The following NHERF4 variants were observed in gnomAD, a reference collection of about 807,000 sequenced individuals.
NHERF4 encodes the protein NHERF family PDZ scaffold protein 4, also known as Na(+)/H(+) exchange regulatory cofactor NHE-RF4.
the NHERF4 span, chr11:119,187,633 GGGCCC>G: frequency 1.3e-6 from 2 of 1,566,644 alleles, no homozygotes; most frequent in South Asian, 2.3e-5. Context: ...GTGCCCCCCG[GGGCCC>G]GGCTGCTGGA....
At chr11:119,186,040 G>A in the NHERF4 span, 3 of 1,610,842 alleles carry the variant, frequency 1.9e-6, no homozygotes, top group Admixed American at 3.3e-5. The surrounding 1 kb of genome is among the most constrained non-coding windows in gnomAD (Gnocchi z 4.4). Flanking sequence ...AGGAGATCCT[G>A]GGACCCAAGT....
chr11:119,187,162 AAAG>A, the NHERF4 span: 1 of 923,478 alleles, frequency 1.1e-6, no homozygotes. Flanking sequence ...AAAAAAAGAA[AAAG>A]AAAAAAAGCC....
At chr11:119,189,038 C>T in the NHERF4 span, 1 of 1,614,126 alleles carries the variant, frequency 6.2e-7, no homozygotes, top group Non-Finnish European at 8.5e-7. The surrounding 1 kb of genome is among the most constrained non-coding windows in gnomAD (Gnocchi z 5.8). Flanking sequence ...CCGGGCTGGG[C>T]TGCAAGTGGG....
chr11:119,189,577 C>T, the NHERF4 span: 3 of 1,472,390 alleles, frequency 2.0e-6, no homozygotes, highest in South Asian at 2.3e-5. This position sits in a 1 kb window ranked among gnomAD's most constrained non-coding sequence, Gnocchi z 5.8. Flanking sequence ...GATGCTCTCT[C>T]TAAGCCAGAC....
the NHERF4 span, chr11:119,187,576 C>T: frequency 1.9e-6 from 3 of 1,592,320 alleles, no homozygotes; most frequent in Non-Finnish European, 2.6e-6. Flanking sequence ...AATCAGGGTC[C>T]TTTCTGGTTG....
chr11:119,187,544 C>CT, the NHERF4 span: 748 of 1,483,198 alleles, frequency 5.0e-4, 1 homozygote, highest in South Asian at 2.2e-3. Context: ...CTGGACCTTG[C>CT]TTTTTTTTTT....
chr11:119,187,206 G>C, the NHERF4 span: 1 of 1,318,722 alleles, frequency 7.6e-7, no homozygotes, highest in Non-Finnish European at 1.0e-6. Flanking sequence ...GTGGATTCCA[G>C]GGAGGTCCTG....
chr11:119,186,582 G>A, the NHERF4 span: 1 of 1,614,132 alleles, frequency 6.2e-7, no homozygotes, highest in Non-Finnish European at 8.5e-7. This position sits in a 1 kb window ranked among gnomAD's most constrained non-coding sequence, Gnocchi z 4.4. Context: ...CTGGGCATGT[G>A]GTGTGCAGGG....
At chr11:119,186,560 A>AGCTGGGCAGG in the NHERF4 span, 3 of 1,614,142 alleles carry the variant, frequency 1.9e-6, no homozygotes, top group Non-Finnish European at 2.5e-6. This position sits in a 1 kb window ranked among gnomAD's most constrained non-coding sequence, Gnocchi z 4.4. Context: ...CTGCAGCAGG[A>AGCTGGGCAGG]GCTGGGCAGG....
At chr11:119,188,296 G>T in the NHERF4 span, 1 of 1,604,992 alleles carries the variant, frequency 6.2e-7, no homozygotes, top group Non-Finnish European at 8.5e-7. Context: ...CAGTCCCCTG[G>T]TGTGTACACA....
the NHERF4 span, chr11:119,190,098 AGGGATAATG>A: frequency 1.8e-6 from 1 of 547,848 alleles, no homozygotes; most frequent in Non-Finnish European, 3.1e-6. This position sits in a 1 kb window ranked among gnomAD's most constrained non-coding sequence, Gnocchi z 4.2. Context: ...ACTGAATCTC[AGGGATAATG>A]GGTCAACCCA....
chr11:119,187,396 G>C, the NHERF4 span: 2 of 1,614,118 alleles, frequency 1.2e-6, no homozygotes, highest in Admixed American at 3.3e-5. Context: ...AGGCCCAGGG[G>C]TCCGGCCCCG....
chr11:119,188,900 C>T, the NHERF4 span: 35 of 1,610,442 alleles, frequency 2.2e-5, no homozygotes, highest in Non-Finnish European at 2.7e-5. Context: ...TGAATCCCTT[C>T]GATCCTTTGC....
At chr11:119,187,618 C>A in the NHERF4 span, 1 of 1,580,190 alleles carries the variant, frequency 6.3e-7, no homozygotes, top group Non-Finnish European at 8.6e-7. Flanking sequence ...GCTGAGCGGG[C>A]AGGGGTGCCC....
chr11:119,186,686 CGGTG>C, the NHERF4 span: 2 of 1,601,142 alleles, frequency 1.2e-6, no homozygotes, highest in Admixed American at 3.4e-5. The surrounding 1 kb of genome is among the most constrained non-coding windows in gnomAD (Gnocchi z 4.4). Context: ...GAAGACTATG[CGGTG>C]GTAAGGCTGT....
At chr11:119,186,280 GT>G in the NHERF4 span, 12 of 1,609,498 alleles carry the variant, frequency 7.5e-6, no homozygotes, top group Middle Eastern at 3.3e-4. This position sits in a 1 kb window ranked among gnomAD's most constrained non-coding sequence, Gnocchi z 4.4. Context: ...AACAGCCTTG[GT>G]TGGGAGTAGA....
the NHERF4 span, chr11:119,189,849 G>A: frequency 2.7e-6 from 1 of 374,412 alleles, no homozygotes; most frequent in Non-Finnish European, 4.9e-6. The surrounding 1 kb of genome is among the most constrained non-coding windows in gnomAD (Gnocchi z 5.8). Context: ...GCAAAAATTT[G>A]GAGACCAGCT....
At chr11:119,187,832 A>C in the NHERF4 span, 45 of 1,461,298 alleles carry the variant, frequency 3.1e-5, no homozygotes, top group Non-Finnish European at 2.5e-5. Flanking sequence ...CCCCCTCTAC[A>C]GTTTGTGCCA....
At chr11:119,185,886 T>C in the NHERF4 span, 10 of 1,613,826 alleles carry the variant, frequency 6.2e-6, 1 homozygote, top group South Asian at 3.3e-5. Context: ...GGGAGAAGAA[T>C]GTGACTCTCC....
Sources: gnomAD v4.1 joint callset for allele counts on GRCh38, gnomAD v4.1.1 for gene constraint, Gnocchi (gnomAD v3.1) non-coding constraint, MANE v1.5 for transcripts, NCBI Gene and HGNC (gene_info 2026-07-23, HGNC 2026-07-21) for gene names.